ATP9B: variants seen among roughly 807,000 people sequenced by gnomAD.
ATP9B encodes the protein ATPase phospholipid transporting 9B.
ATP9B carries 110 observed loss-of-function variants against 146.1 expected under a neutral mutation model. That is an observed-to-expected ratio of 0.75 (90% CI 0.65 to 0.88). The LOEUF is 0.88. Among genes scored for constraint, ATP9B ranks in the 40% least tolerant of loss-of-function variants. The pLI is 0.00. For synonymous variants in ATP9B, 604 were observed against 569.7 expected, an observed-to-expected ratio of 1.06 and a Z score of -0.86; for missense variants, 1,499 against 1,496.4, an observed-to-expected ratio of 1.00 and a Z score of -0.03.
chr18:79,325,310 G>C (rs1000116710), intron 15 of ATP9B, among the ~76,000 whole-genome samples: 4 of 151,966 alleles, frequency 2.6e-5, no homozygotes, highest in Non-Finnish European at 5.9e-5. Flanking sequence ...AGTGCACGTC[G>C]GATTTTGTAA....
intron 13 of ATP9B, among the ~76,000 whole-genome samples, chr18:79,292,277 AT>A (rs1334293628): frequency 6.6e-6 from 1 of 152,182 alleles, no homozygotes; most frequent in African/African-American, 2.4e-5. Flanking sequence ...CTCTCTCTGT[AT>A]GTGTGACATG....
chr18:79,278,481 A>G (rs1423544822), intron 13 of ATP9B, among the ~76,000 whole-genome samples: 2 of 152,212 alleles, frequency 1.3e-5, no homozygotes, highest in Non-Finnish European at 2.9e-5. Flanking sequence ...GTTAAGGTAG[A>G]CAGGGCTAGG....
At chr18:79,270,124 G>A (rs187490068) in intron 12 of ATP9B, among the ~76,000 whole-genome samples, 13 of 152,224 alleles carry the variant, frequency 8.5e-5, no homozygotes, top group Admixed American at 7.9e-4. Flanking sequence ...TTGTTTTAAG[G>A]TGTAGCTCTT....
intron 25 of ATP9B, among the ~76,000 whole-genome samples, chr18:79,356,876 A>G: frequency 1.9e-5 from 1 of 52,758 alleles, no homozygotes; most frequent in African/African-American, 5.8e-5. Context: ...ACCCTGTGTG[A>G]GGGATGCTCT....
At chr18:79,333,490 T>C (rs2096802754) in intron 17 of ATP9B, among the ~76,000 whole-genome samples, 1 of 152,268 alleles carries the variant, frequency 6.6e-6, no homozygotes, top group Non-Finnish European at 1.5e-5. Context: ...ATATCCTTGC[T>C]TAAGTGTCTG....
rs560997444 is a variant in ATP9B at position 79,093,734 on chromosome 18, T to C, written c.120-2742T>C. ...CATGGGTGCGTGTGCACACACCCCC[T>C]CCCCCATCTGCTTAGAATTTCTGTC... On this transcript the variant is annotated intron_variant, in intron 1 of 29. Coordinates refer to ENST00000426216, the MANE Select transcript of ATP9B (RefSeq NM_198531.5). Among the ~76,000 whole-genome samples the C allele has an allele frequency of 4.7e-3, 719 of 152,268 alleles. 5 individuals carry two copies. The highest frequency in any genetic ancestry group is 0.023 in the South Asian group (112 of 4,816).
At chr18:79,215,986 G>A (rs938975536) in intron 11 of ATP9B, among the ~76,000 whole-genome samples, 5 of 152,106 alleles carry the variant, frequency 3.3e-5, no homozygotes, top group African/African-American at 4.8e-5. Context: ...CACCGCACCC[G>A]ACCACAAAAC....
At position 79,327,626 on chromosome 18, in the gene ATP9B, A is replaced by AGC. The variant is rs1408969478; in HGVS notation, c.1774-1514_1774-1513insCG. 1.2e-4 allele frequency among the ~76,000 whole-genome samples: 16 copies of AGC among 134,916 alleles called. 2 individuals are homozygous for AGC. Among genetic ancestry groups the AGC allele is most frequent in the African/African-American group, 2.3e-4 (8 of 34,430 alleles). The allele number at this position is 134,916 out of a possible 152,430, so 88.5% of individuals were successfully genotyped here. On this transcript the variant is annotated intron_variant, in intron 15 of 29. Coordinates refer to ENST00000426216, the MANE Select transcript of ATP9B (RefSeq NM_198531.5). ...CGTGGTTAGCGTGCCCTCCCTGGTT[A>AGC]GTGTGCCCTCCCTGGTTAGCATGCT... is the stretch of plus-strand genomic sequence containing the variant.
At chr18:79,251,236 C>T (rs377153617) in intron 11 of ATP9B, among the ~76,000 whole-genome samples, 2 of 152,334 alleles carry the variant, frequency 1.3e-5, no homozygotes, top group South Asian at 2.1e-4. Context: ...CCGCTGAATG[C>T]GGCATCCCGT....
intron 4 of ATP9B, among the ~76,000 whole-genome samples, chr18:79,118,303 A>C (rs2094122986): frequency 6.6e-6 from 1 of 151,896 alleles, no homozygotes; most frequent in African/African-American, 2.4e-5. Context: ...TTCATTTTCT[A>C]ATAAAAGCAG....
At chr18:79,252,231 C>T (rs1300434657) in intron 11 of ATP9B, among the ~76,000 whole-genome samples, 3 of 152,228 alleles carry the variant, frequency 2.0e-5, no homozygotes, top group Admixed American at 6.5e-5. Context: ...GCTCCCTCTT[C>T]GCATCCCCTG....
intron 26 of ATP9B, 74 bp downstream of exon 26, chr18:79,359,536 GC>G: frequency 8.6e-7 from 1 of 1,169,236 alleles, no homozygotes; most frequent in Non-Finnish European, 1.3e-6. Context: ...TGAGAAACAG[GC>G]CAGTCAGGAG....
intron 1 of ATP9B, among the ~76,000 whole-genome samples, chr18:79,082,416 A>C (rs1007374321): frequency 6.6e-6 from 1 of 152,084 alleles, no homozygotes; most frequent in East Asian, 1.9e-4. Flanking sequence ...CAATTTGTCA[A>C]ACTCCTTCTC....
intron 2 of ATP9B, among the ~76,000 whole-genome samples, chr18:79,106,259 T>A (rs2075642369): frequency 6.6e-6 from 1 of 152,236 alleles, no homozygotes; most frequent in Non-Finnish European, 1.5e-5. Flanking sequence ...CTAGTTACTG[T>A]CTCCCAAGGA....
intron 12 of ATP9B, chr18:79,254,732 A>T (rs924254564): frequency 6.6e-6 from 1 of 152,528 alleles, no homozygotes. Flanking sequence ...ACCACACTGC[A>T]GCTATCCCCA....
At chr18:79,283,694 T>C (rs530200859) in intron 13 of ATP9B, among the ~76,000 whole-genome samples, 5 of 152,312 alleles carry the variant, frequency 3.3e-5, no homozygotes, top group African/African-American at 1.2e-4. Context: ...TCGACAAGCG[T>C]AGACATCTGT....
chr18:79,273,513 C>T (rs960993335), intron 12 of ATP9B, among the ~76,000 whole-genome samples: 12 of 152,318 alleles, frequency 7.9e-5, no homozygotes, highest in African/African-American at 1.4e-4. Flanking sequence ...ACTTCTGTTT[C>T]GTTTTGCTCA....
chr18:79,168,125 C>T (rs1485668303), intron 7 of ATP9B, among the ~76,000 whole-genome samples: 2 of 152,218 alleles, frequency 1.3e-5, no homozygotes, highest in Admixed American at 1.3e-4. Context: ...GCCGCCACTC[C>T]AGAGGCGCCA....
chr18:79,089,745 G>A (rs2146652170), intron 1 of ATP9B, among the ~76,000 whole-genome samples: 1 of 152,228 alleles, frequency 6.6e-6, no homozygotes, highest in African/African-American at 2.4e-5. Flanking sequence ...GTCACCTCCA[G>A]CATTTATCAT....
Sources: gnomAD v4.1 joint callset for allele counts (sites outside exome capture counted in the v4.1 genomes callset) on GRCh38, gnomAD v4.1.1 for gene constraint, MANE v1.5 for transcripts, NCBI Gene and HGNC (gene_info 2026-07-23, HGNC 2026-07-21) for gene names.